Variants in ANXA8 observed in about 807,000 individuals in gnomAD.
The protein encoded by ANXA8 is VAC-beta.
Under a neutral mutation model 26.8 loss-of-function variants are expected in ANXA8, and 9 were observed. The observed-to-expected ratio is 0.34, with a 90% CI of 0.20 to 0.59. The LOEUF (loss-of-function observed/expected upper bound fraction) is 0.59. ANXA8 is among the 20% of genes least tolerant of loss of function. The pLI, the probability that ANXA8 is intolerant of heterozygous loss-of-function variation, is 0.84. For synonymous variants in ANXA8, 39 were observed against 94.8 expected, an observed-to-expected ratio of 0.41 and a Z score of 3.42; for missense variants, 83 against 238.5, an observed-to-expected ratio of 0.35 and a Z score of 4.29.
the ANXA8 span, among the ~76,000 whole-genome samples, chr10:47,711,587 G>A: frequency 6.8e-6 from 1 of 147,996 alleles, no homozygotes; most frequent in African/African-American, 2.6e-5. Flanking sequence ...AGATCAAACA[G>A]GGACAGATGT....
chr10:47,549,386 T>G, the ANXA8 span: 13 of 1,317,450 alleles, frequency 9.9e-6, no homozygotes, highest in Non-Finnish European at 1.4e-5. Context: ...GCTTTTTACC[T>G]ATAAGTGAAA....
the ANXA8 span, among the ~76,000 whole-genome samples, chr10:47,495,289 ATT>A: frequency 5.0e-5 from 5 of 100,562 alleles, no homozygotes; most frequent in South Asian, 3.6e-4. Context: ...TATTATTATT[ATT>A]ATTATTATTT....
At chr10:47,558,456 A>G in the ANXA8 span, among the ~76,000 whole-genome samples, 1 of 151,622 alleles carries the variant, frequency 6.6e-6, no homozygotes, top group Admixed American at 6.6e-5. Context: ...CATTCCTACT[A>G]GCACAGTTGA....
At chr10:47,745,469 CCTTT>C in the ANXA8 span, among the ~76,000 whole-genome samples, 1 of 142,174 alleles carries the variant, frequency 7.0e-6, no homozygotes, top group Non-Finnish European at 1.5e-5. Context: ...TCGTTTTCTT[CCTTT>C]GACTCTGCAC....
the ANXA8 span, among the ~76,000 whole-genome samples, chr10:47,706,975 T>C: frequency 7.0e-6 from 1 of 142,508 alleles, no homozygotes; most frequent in Non-Finnish European, 1.6e-5. Flanking sequence ...ATTTTCAATT[T>C]ATATATTGTG....
chr10:47,657,005 T>C, the ANXA8 span, among the ~76,000 whole-genome samples: 2 of 149,822 alleles, frequency 1.3e-5, no homozygotes, highest in South Asian at 4.2e-4. Flanking sequence ...AACTAGTTTT[T>C]TCTAACTTGG....
At chr10:47,505,516 G>A in the ANXA8 span, among the ~76,000 whole-genome samples, 17 of 138,126 alleles carry the variant, frequency 1.2e-4, 2 homozygotes, top group Admixed American at 9.1e-4. Flanking sequence ...TAAAGAATCC[G>A]TGATTTAACT....
At chr10:47,986,639 G>C in the ANXA8 span, 1 of 363,466 alleles carries the variant, frequency 2.8e-6, no homozygotes, top group Non-Finnish European at 5.3e-6. Flanking sequence ...CTGCTCAGCT[G>C]TTGAGAACAC....
chr10:47,484,715 T>C, upstream of ANXA8: 6 of 718,606 alleles, frequency 8.3e-6, no homozygotes, highest in Non-Finnish European at 1.3e-5. Flanking sequence ...CTCGTTTCTT[T>C]GGTGGAAGGC....
chr10:47,569,766 T>TGTTTTG, the ANXA8 span: 4 of 105,394 alleles, frequency 3.8e-5, no homozygotes, highest in Middle Eastern at 2.1e-3. Flanking sequence ...TTTTTTTTTT[T>TGTTTTG]TTGAGACAGA....
the ANXA8 span, among the ~76,000 whole-genome samples, chr10:47,633,310 ACGTACGTTCTCACACACC>A: frequency 1.1e-5 from 1 of 93,588 alleles, no homozygotes; most frequent in African/African-American, 5.7e-5. Context: ...GTTCACGCAC[ACGTACGTTCTCACACACC>A]CGTACGTTCA....
At chr10:47,519,516 C>T in the ANXA8 span, among the ~76,000 whole-genome samples, 6 of 111,296 alleles carry the variant, frequency 5.4e-5, 2 homozygotes, top group African/African-American at 2.1e-4. Flanking sequence ...TCCCCTCTCT[C>T]TTTCACCGTG....
the ANXA8 span, among the ~76,000 whole-genome samples, chr10:47,701,438 T>C: frequency 3.3e-5 from 5 of 151,878 alleles, 1 homozygote; most frequent in African/African-American, 1.2e-4. Context: ...GCAGTATTGT[T>C]TATAATTGCA....
the ANXA8 span, among the ~76,000 whole-genome samples, chr10:47,628,344 A>T: frequency 6.6e-5 from 10 of 152,034 alleles, no homozygotes; most frequent in African/African-American, 2.4e-4. Flanking sequence ...TACATACATT[A>T]TACATGTTAT....
At chr10:47,493,375 G>T in the ANXA8 span, among the ~76,000 whole-genome samples, 7 of 147,806 alleles carry the variant, frequency 4.7e-5, no homozygotes, top group African/African-American at 1.9e-4. Flanking sequence ...GGGGGATGGG[G>T]TGACACCTGG....
chr10:47,970,656 C>T, the ANXA8 span, among the ~76,000 whole-genome samples: 2,627 of 151,282 alleles, frequency 0.017, 56 homozygotes, highest in African/African-American at 0.058. Context: ...GAAGTGTTCA[C>T]ATCTTATTAC....
At chr10:47,594,079 G>C in the ANXA8 span, among the ~76,000 whole-genome samples, 1 of 148,096 alleles carries the variant, frequency 6.8e-6, no homozygotes, top group African/African-American at 2.6e-5. Context: ...CAGACTGAAG[G>C]CTGCACTGTC....
chr10:47,663,589 T>C, the ANXA8 span, among the ~76,000 whole-genome samples: 1 of 129,068 alleles, frequency 7.7e-6, no homozygotes, highest in Admixed American at 7.6e-5. Context: ...CTCACTATGT[T>C]GGCAGGCTGG....
At chr10:47,922,602 G>T in the ANXA8 span, 2 of 1,460,996 alleles carry the variant, frequency 1.4e-6, no homozygotes, top group African/African-American at 1.4e-5. Context: ...CCGAGTCCTG[G>T]CCACTGGCTC....
Sources: allele counts gnomAD v4.1 joint callset (sites outside exome capture counted in the v4.1 genomes callset), GRCh38; gene constraint gnomAD v4.1.1; transcripts MANE v1.5; gene names NCBI Gene and HGNC (gene_info 2026-07-23, HGNC 2026-07-21).